TEKTL1: variants seen among roughly 807,000 people sequenced by gnomAD.
TEKTL1 encodes tektin-like protein 1.
chr19:15,020,710 A>G, the TEKTL1 span: 5 of 1,499,176 alleles, frequency 3.3e-6, no homozygotes, highest in Non-Finnish European at 4.6e-6. Flanking sequence ...GATCCCCTTG[A>G]CTGTCAGTGC....
the TEKTL1 span, chr19:15,021,870 AC>A: frequency 4.1e-3 from 6,555 of 1,613,992 alleles, 25 homozygotes; most frequent in Non-Finnish European, 4.8e-3. Flanking sequence ...GTTCGCATGT[AC>A]CAGAGACACG....
the TEKTL1 span, chr19:15,011,532 G>C: frequency 1.5e-6 from 1 of 686,174 alleles, no homozygotes; most frequent in Non-Finnish European, 2.1e-6. Flanking sequence ...TCAGGAATTC[G>C]AGACCAGCCT....
the TEKTL1 span, among the ~76,000 whole-genome samples, chr19:15,018,715 A>AATATATATATATATAAATATATAT: frequency 8.8e-5 from 6 of 68,252 alleles, no homozygotes. Flanking sequence ...CCTATCTCAA[A>AATATATATATATATAAATATATAT]ATATGTATAT....
chr19:15,013,577 T>C, the TEKTL1 span: 1 of 865,924 alleles, frequency 1.2e-6, no homozygotes, highest in Non-Finnish European at 1.8e-6. Flanking sequence ...AAACTCAGAG[T>C]TTATGAGGCT....
chr19:15,022,737 A>G, the TEKTL1 span: 1 of 665,308 alleles, frequency 1.5e-6, no homozygotes, highest in Non-Finnish European at 2.2e-6. Flanking sequence ...TTTTTTTTCC[A>G]GGCACACCTG....
chr19:15,022,431 C>T, the TEKTL1 span, among the ~76,000 whole-genome samples: 33 of 152,156 alleles, frequency 2.2e-4, no homozygotes, highest in African/African-American at 7.5e-4. Flanking sequence ...CGGGTTCAAG[C>T]GATTCTCCTG....
chr19:15,017,684 G>C, the TEKTL1 span, among the ~76,000 whole-genome samples: 1 of 152,090 alleles, frequency 6.6e-6, no homozygotes, highest in African/African-American at 2.4e-5. Context: ...GTTACAGTGG[G>C]GAAATGCATG....
chr19:15,012,255 C>T, the TEKTL1 span, among the ~76,000 whole-genome samples: 1 of 151,572 alleles, frequency 6.6e-6, no homozygotes, highest in African/African-American at 2.4e-5. Context: ...AGTGAGATCC[C>T]ATCTCTCCAA....
At chr19:15,013,598 C>A in the TEKTL1 span, 1 of 1,171,736 alleles carries the variant, frequency 8.5e-7, no homozygotes. Context: ...GGCAAACCCT[C>A]TACCACCCTG....
chr19:15,022,930 C>A, the TEKTL1 span: 2 of 1,610,198 alleles, frequency 1.2e-6, no homozygotes, highest in South Asian at 1.1e-5. Context: ...ACGAGCTGCT[C>A]GCCACGCACA....
chr19:15,013,448 A>T, the TEKTL1 span, among the ~76,000 whole-genome samples: 52 of 152,216 alleles, frequency 3.4e-4, no homozygotes, highest in African/African-American at 1.1e-3. Flanking sequence ...AGACGCCCCC[A>T]ACCTCAAGCT....
the TEKTL1 span, chr19:15,011,179 C>T: frequency 6.7e-7 from 1 of 1,491,766 alleles, no homozygotes; most frequent in Non-Finnish European, 8.9e-7. Flanking sequence ...GCAAAGCGCG[C>T]GCCCTGCAGA....
chr19:15,022,991 G>T, the TEKTL1 span: 10 of 1,613,150 alleles, frequency 6.2e-6, no homozygotes, highest in African/African-American at 9.3e-5. Flanking sequence ...TGAGGTGGAC[G>T]GCAACGTGGT....
the TEKTL1 span, chr19:15,022,878 A>G: frequency 6.3e-7 from 1 of 1,591,894 alleles, no homozygotes; most frequent in African/African-American, 1.3e-5. Context: ...CAGGGCACCG[A>G]CAAGCTGCAG....
chr19:15,016,351 G>A, the TEKTL1 span, among the ~76,000 whole-genome samples: 6 of 151,928 alleles, frequency 3.9e-5, no homozygotes, highest in Non-Finnish European at 7.4e-5. Flanking sequence ...CAGCACACCC[G>A]GCTAATTTTT....
the TEKTL1 span, among the ~76,000 whole-genome samples, chr19:15,020,873 G>A: frequency 4.2e-5 from 5 of 117,664 alleles, no homozygotes; most frequent in Admixed American, 1.1e-4. Flanking sequence ...TCATTCACAG[G>A]CTCTGCTTTT....
chr19:15,019,458 A>G, the TEKTL1 span, among the ~76,000 whole-genome samples: 4 of 152,362 alleles, frequency 2.6e-5, no homozygotes, highest in South Asian at 4.1e-4. Flanking sequence ...ATCCTTCCAC[A>G]TTGCATACAC....
the TEKTL1 span, chr19:15,011,245 CG>C: frequency 1.3e-6 from 2 of 1,499,922 alleles, no homozygotes; most frequent in Admixed American, 4.8e-5. Flanking sequence ...CCGCCCGCCT[CG>C]GCCGCGCGCA....
chr19:15,013,462 G>A, the TEKTL1 span, among the ~76,000 whole-genome samples: 1 of 152,018 alleles, frequency 6.6e-6, no homozygotes, highest in Admixed American at 6.6e-5. Flanking sequence ...TCAAGCTCCA[G>A]AGAGCAAGAC....
Sources: allele counts gnomAD v4.1 joint callset (sites outside exome capture counted in the v4.1 genomes callset), GRCh38; gene constraint gnomAD v4.1.1; transcripts MANE v1.5; gene names NCBI Gene and HGNC (gene_info 2026-07-23, HGNC 2026-07-21).